The following AGPS variants were observed in gnomAD, a reference collection of about 807,000 sequenced individuals.
The protein encoded by AGPS is alkyldihydroxyacetonephosphate synthase, peroxisomal.
AGPS carries 26 observed loss-of-function variants against 90.7 expected under a neutral mutation model. The ratio of observed to expected loss-of-function variants is 0.29; its 90% CI spans 0.21 to 0.40. The LOEUF is 0.40. Ranked by LOEUF, AGPS falls within the 10% of genes least tolerant of loss-of-function variation. The pLI is 1.00. For synonymous variants in AGPS, 294 were observed against 285.3 expected (o/e 1.03, Z -0.31); for missense variants, 540 against 816.1 (o/e 0.66, Z 4.12).
chr2:177,493,277 G>T, intron 12 of AGPS, 78 bp downstream of exon 12: 1 of 1,274,274 alleles, frequency 7.8e-7, no homozygotes, highest in Non-Finnish European at 1.1e-6. Context: ...AGTACGGAGT[G>T]CAGAGGTAGA....
At chr2:177,530,450 G>A (rs1480502189) in intron 19 of AGPS, among the ~76,000 whole-genome samples, 2 of 152,282 alleles carry the variant, frequency 1.3e-5, no homozygotes, top group South Asian at 2.1e-4. Flanking sequence ...GCTTTTGAGA[G>A]ATCACTTATT....
At chr2:177,534,790 G>A (rs2079169278) in intron 19 of AGPS, among the ~76,000 whole-genome samples, 1 of 141,796 alleles carries the variant, frequency 7.1e-6, no homozygotes, top group African/African-American at 2.6e-5. Flanking sequence ...TTAGAAATGG[G>A]GTCTCACTAT....
chr2:177,436,121 A>G (rs1686400957), intron 3 of AGPS, among the ~76,000 whole-genome samples: 1 of 150,916 alleles, frequency 6.6e-6, no homozygotes, highest in African/African-American at 2.4e-5. Flanking sequence ...ATGGCAATTG[A>G]AGAATAAGAA....
intron 8 of AGPS, among the ~76,000 whole-genome samples, chr2:177,447,252 A>G (rs1027445373): frequency 2.0e-5 from 3 of 151,928 alleles, no homozygotes; most frequent in Admixed American, 6.6e-5. Flanking sequence ...ATAGGCTTTG[A>G]AAAAAAATGA....
intron 8 of AGPS, among the ~76,000 whole-genome samples, chr2:177,446,209 A>G (rs1248298861): frequency 6.6e-6 from 1 of 151,572 alleles, no homozygotes; most frequent in African/African-American, 2.4e-5. Flanking sequence ...GCTGGAGTGC[A>G]GTGACGTGAT....
intron 5 of AGPS, among the ~76,000 whole-genome samples, chr2:177,439,775 C>T (rs895637303): frequency 6.6e-6 from 1 of 152,096 alleles, no homozygotes; most frequent in African/African-American, 2.4e-5. Context: ...CCTCAAGTCT[C>T]GCTCCTCCAT....
chr2:177,533,249 A>G (rs1221911416), intron 19 of AGPS, among the ~76,000 whole-genome samples: 2 of 152,222 alleles, frequency 1.3e-5, no homozygotes, highest in Non-Finnish European at 2.9e-5. Flanking sequence ...GTAAGAACAT[A>G]CTGTGGAAAC....
intron 11 of AGPS, among the ~76,000 whole-genome samples, chr2:177,485,783 G>A (rs961154052): frequency 2.6e-5 from 4 of 152,126 alleles, no homozygotes; most frequent in African/African-American, 9.7e-5. Context: ...TGGGTATGGA[G>A]GCATGTGCCT....
intron 10 of AGPS, among the ~76,000 whole-genome samples, chr2:177,476,756 T>C (rs994492566): frequency 6.6e-6 from 1 of 152,134 alleles, no homozygotes; most frequent in Non-Finnish European, 1.5e-5. Context: ...AAGTAAGGCA[T>C]TGAAGTCTCC....
intron 11 of AGPS, among the ~76,000 whole-genome samples, chr2:177,492,860 CTT>C (rs1688304954): frequency 6.6e-6 from 1 of 152,132 alleles, no homozygotes; most frequent in African/African-American, 2.4e-5. Context: ...TCTCATATGT[CTT>C]TGCCAGACAT....
At chr2:177,517,714 AC>A (rs1689062017) in intron 17 of AGPS, among the ~76,000 whole-genome samples, 1 of 152,156 alleles carries the variant, frequency 6.6e-6, no homozygotes, top group Admixed American at 6.5e-5. Context: ...TTTCCTGTGT[AC>A]CCTTTACTCA....
chr2:177,468,605 G>T, intron 10 of AGPS, 81 bp downstream of exon 10: 2 of 988,548 alleles, frequency 2.0e-6, no homozygotes, highest in South Asian at 1.4e-5. Flanking sequence ...TGTGACATCA[G>T]ATCTTTGAAA....
intron 11 of AGPS, among the ~76,000 whole-genome samples, chr2:177,487,850 T>C (rs1325903430): frequency 1.3e-5 from 2 of 152,176 alleles, no homozygotes; most frequent in Non-Finnish European, 2.9e-5. Context: ...ATACCTTTAC[T>C]AAACTGAAAA....
intron 14 of AGPS, among the ~76,000 whole-genome samples, chr2:177,500,377 G>A (rs1688524916): frequency 6.6e-6 from 1 of 151,888 alleles, no homozygotes; most frequent in Non-Finnish European, 1.5e-5. Flanking sequence ...TAAACTAACA[G>A]TTTCTAGACA....
intron 8 of AGPS, among the ~76,000 whole-genome samples, chr2:177,456,286 A>C (rs1687107055): frequency 1.3e-5 from 2 of 152,246 alleles, no homozygotes; most frequent in Admixed American, 1.3e-4. Flanking sequence ...ACAGAGACAC[A>C]GACCTTATAG....
intron 11 of AGPS, 86 bp downstream of exon 11, chr2:177,482,272 G>T: frequency 1.4e-6 from 1 of 736,674 alleles, no homozygotes; most frequent in Admixed American, 3.0e-5. Flanking sequence ...AGTTGATTGT[G>T]ATATGTTACA....
At chr2:177,433,505 T>C (rs963697765) in intron 2 of AGPS, among the ~76,000 whole-genome samples, 2 of 152,234 alleles carry the variant, frequency 1.3e-5, no homozygotes, top group African/African-American at 4.8e-5. Context: ...GTGTGCTACT[T>C]CCAGTATCTT....
intron 9 of AGPS, among the ~76,000 whole-genome samples, chr2:177,463,433 GAACTT>G (rs1323429106): frequency 6.6e-6 from 1 of 152,114 alleles, no homozygotes; most frequent in African/African-American, 2.4e-5. Flanking sequence ...TAGTTTAAAA[GAACTT>G]TAATTTGAGA....
intron 12 of AGPS, among the ~76,000 whole-genome samples, chr2:177,495,304 A>G (rs867812336): frequency 6.6e-6 from 1 of 152,292 alleles, no homozygotes; most frequent in East Asian, 1.9e-4. Context: ...TGCTGATTAC[A>G]TTGTCAATAG....
Sources: gnomAD v4.1 joint callset for allele counts (sites outside exome capture counted in the v4.1 genomes callset) on GRCh38, gnomAD v4.1.1 for gene constraint, MANE v1.5 for transcripts, NCBI Gene and HGNC (gene_info 2026-07-23, HGNC 2026-07-21) for gene names.